Variants in CNTN4 observed in about 807,000 individuals in gnomAD.
The protein encoded by CNTN4 is contactin 4.
A neutral mutation model predicts 122.5 loss-of-function variants in CNTN4; 77 were observed. The ratio of observed to expected loss-of-function variants is 0.63; its 90% confidence interval spans 0.52 to 0.76. The LOEUF is 0.76. Among genes scored for constraint, CNTN4 ranks in the 30% least tolerant of loss-of-function variants. The probability of loss-of-function intolerance (pLI) is 0.00; values close to 1 mark genes in which losing one functional copy is unlikely to be tolerated. For missense variants in CNTN4, 1,256 were observed against 1,259.1 expected (o/e 1.00, Z 0.04); for synonymous variants, 512 against 447.0 (o/e 1.15, Z -1.83).
chr3:2,960,341 G>A (rs964834195), intron 13 of CNTN4, among the ~76,000 whole-genome samples: 2 of 152,138 alleles, frequency 1.3e-5, no homozygotes, highest in African/African-American at 4.8e-5. Flanking sequence ...CATGTCTATA[G>A]GTACCGCACG....
At chr3:2,462,329 C>A (rs373758326) in intron 3 of CNTN4, among the ~76,000 whole-genome samples, 1 of 152,080 alleles carries the variant, frequency 6.6e-6, no homozygotes, top group Admixed American at 6.6e-5. Context: ...GCATTGTGCC[C>A]AGCAAGAGCC....
At chr3:2,729,543 C>CAAAAAA (rs377584644) in intron 4 of CNTN4, among the ~76,000 whole-genome samples, 5 of 69,944 alleles carry the variant, frequency 7.1e-5, no homozygotes, top group African/African-American at 6.5e-5. Context: ...GACTCCATCT[C>CAAAAAA]AAAAAAAAAA....
intron 7 of CNTN4, among the ~76,000 whole-genome samples, chr3:2,827,911 CT>C (rs1428836579): frequency 6.6e-6 from 1 of 151,796 alleles, no homozygotes; most frequent in African/African-American, 2.4e-5. Flanking sequence ...TATATGGCAG[CT>C]TAAAAAAAGC....
chr3:2,507,734 C>CAA (rs34779120), intron 3 of CNTN4, among the ~76,000 whole-genome samples: 1 of 108,796 alleles, frequency 9.2e-6, no homozygotes, highest in Admixed American at 9.3e-5. Flanking sequence ...GACTTTGTCT[C>CAA]AAAAAAAAAA....
At chr3:2,171,522 A>G (rs2036511098) in intron 2 of CNTN4, among the ~76,000 whole-genome samples, 2 of 152,218 alleles carry the variant, frequency 1.3e-5, no homozygotes, top group Non-Finnish European at 2.9e-5. Flanking sequence ...AATGGTGAAC[A>G]GTCATTGCTT....
At chr3:2,431,353 A>G (rs914894221) in intron 3 of CNTN4, among the ~76,000 whole-genome samples, 1 of 152,198 alleles carries the variant, frequency 6.6e-6, no homozygotes, top group Non-Finnish European at 1.5e-5. Context: ...GAAAAAATGT[A>G]CTTCTTTTTT....
chr3:3,050,100 C>T (rs879760396), intron 23 of CNTN4, among the ~76,000 whole-genome samples: 4 of 152,110 alleles, frequency 2.6e-5, no homozygotes, highest in Non-Finnish European at 2.9e-5. Flanking sequence ...GCCTAATCAC[C>T]TCATGGCCTA....
chr3:2,600,713 C>T (rs893503564), intron 4 of CNTN4, among the ~76,000 whole-genome samples: 1 of 152,108 alleles, frequency 6.6e-6, no homozygotes, highest in Non-Finnish European at 1.5e-5. Flanking sequence ...TGGGTATATA[C>T]CCAGTAATGG....
chr3:2,617,110 G>A (rs2081783416), intron 4 of CNTN4, among the ~76,000 whole-genome samples: 1 of 152,162 alleles, frequency 6.6e-6, no homozygotes, highest in African/African-American at 2.4e-5. Flanking sequence ...AATGCCAAAA[G>A]CAACGGCAAC....
At chr3:2,963,692 C>A (rs1210174826) in intron 13 of CNTN4, among the ~76,000 whole-genome samples, 2 of 152,182 alleles carry the variant, frequency 1.3e-5, no homozygotes, top group Non-Finnish European at 2.9e-5. Context: ...CACCAAAAGT[C>A]CATTTCTATC....
chr3:2,415,052 A>C (rs139573133), intron 3 of CNTN4, among the ~76,000 whole-genome samples: 140 of 152,226 alleles, frequency 9.2e-4, no homozygotes, highest in African/African-American at 3.3e-3. Flanking sequence ...GGTTTAATCA[A>C]TTTCTATTTT....
At chr3:2,234,549 TTCTATTAAGAAAA>T in intron 2 of CNTN4, among the ~76,000 whole-genome samples, 1 of 152,206 alleles carries the variant, frequency 6.6e-6, no homozygotes, top group South Asian at 2.1e-4. Context: ...ATGCTGCTGA[TTCTATTAAGAAAA>T]TTCATTAAAT....
At chr3:2,348,652 G>A (rs897490455) in intron 3 of CNTN4, among the ~76,000 whole-genome samples, 3 of 151,906 alleles carry the variant, frequency 2.0e-5, no homozygotes, top group Admixed American at 2.0e-4. Context: ...TGTGCCTTTA[G>A]GTGGTCATTG....
chr3:2,362,095 C>CA (rs2045172028), intron 3 of CNTN4, among the ~76,000 whole-genome samples: 1 of 152,026 alleles, frequency 6.6e-6, no homozygotes. Flanking sequence ...TTGGTGCATT[C>CA]AAAAAACTGT....
At position 2,652,256 on chromosome 3, in the gene CNTN4, T is replaced by C. The variant is rs934047820; in HGVS notation, c.55+80698T>C. On this transcript the variant is annotated intron_variant, in intron 4 of 24. Transcript: ENST00000418658. ...CAAACACAATAACACACCAAGAAATTTGGGAACAGAAGGGAAATAAAAACC... is the reference window on the plus strand; with the variant it reads ...CAAACACAATAACACACCAAGAAATCTGGGAACAGAAGGGAAATAAAAACC... Among the ~76,000 whole-genome samples, 8 of 152,110 alleles carry C rather than the reference T, an allele frequency of 5.3e-5. No individual in the cohort carries two copies. The East Asian group carries it at 7.7e-4, about 15-fold the overall frequency.
chr3:2,620,498 T>C (rs1227272356), intron 4 of CNTN4, among the ~76,000 whole-genome samples: 1 of 111,392 alleles, frequency 9.0e-6, no homozygotes, highest in Non-Finnish European at 2.1e-5. Context: ...AGACCCTGTA[T>C]CCAAAAATAT....
intron 4 of CNTN4, among the ~76,000 whole-genome samples, chr3:2,733,033 GA>G (rs982507182): frequency 1.3e-5 from 2 of 152,128 alleles, no homozygotes; most frequent in Non-Finnish European, 2.9e-5. Flanking sequence ...AAAATACACA[GA>G]AAAAATATCT....
chr3:2,665,499 T>C (rs558689694), intron 4 of CNTN4, among the ~76,000 whole-genome samples: 4 of 152,176 alleles, frequency 2.6e-5, no homozygotes, highest in African/African-American at 9.6e-5. Context: ...TCTCTGGAGA[T>C]TGACATAGAG....
intron 2 of CNTN4, among the ~76,000 whole-genome samples, chr3:2,219,661 C>G (rs2038984864): frequency 6.6e-6 from 1 of 151,896 alleles, no homozygotes; most frequent in Non-Finnish European, 1.5e-5. Context: ...AAAATAATGG[C>G]TTTATTTTTG....
Sources: gnomAD v4.1 joint callset for allele counts (sites outside exome capture counted in the v4.1 genomes callset) on GRCh38, gnomAD v4.1.1 for gene constraint, MANE v1.5 for transcripts, NCBI Gene and HGNC (gene_info 2026-07-23, HGNC 2026-07-21) for gene names.